DMXL1: variants seen among roughly 807,000 people sequenced by gnomAD.
DMXL1 encodes the protein dmX-like protein 1.
In DMXL1, 99 loss-of-function variants were observed where a neutral mutation model predicts 319.2. That is an observed-to-expected ratio of 0.31 (90% CI 0.26 to 0.37). DMXL1 has a LOEUF of 0.37. Ranked by LOEUF, DMXL1 falls within the 10% of genes least tolerant of loss-of-function variation. The pLI, the probability that DMXL1 is intolerant of heterozygous loss-of-function variation, is 1.00. For synonymous variants in DMXL1, 1,385 were observed against 1,235.2 expected (o/e 1.12, Z -2.54); for missense variants, 3,745 against 3,595.6 (o/e 1.04, Z -1.06).
chr5:119,082,809 T>C (rs1368483544), intron 1 of DMXL1, among the ~76,000 whole-genome samples: 2 of 152,228 alleles, frequency 1.3e-5, no homozygotes, highest in Non-Finnish European at 2.9e-5. Context: ...ACACTAGGTC[T>C]TATGACTTCC....
At chr5:119,141,022 G>A (rs1175162165) in intron 13 of DMXL1, among the ~76,000 whole-genome samples, 1 of 152,142 alleles carries the variant, frequency 6.6e-6, no homozygotes, top group East Asian at 1.9e-4. Context: ...TTTTTTGATA[G>A]ATGCAGAAAA....
intron 4 of DMXL1, among the ~76,000 whole-genome samples, chr5:119,108,102 C>G (rs553140482): frequency 2.2e-4 from 34 of 152,270 alleles, no homozygotes; most frequent in African/African-American, 7.9e-4. Flanking sequence ...CTGGCCCATA[C>G]CTGTAATCCC....
intron 34 of DMXL1, among the ~76,000 whole-genome samples, chr5:119,212,493 G>C (rs1035910484): frequency 1.3e-5 from 2 of 152,118 alleles, no homozygotes; most frequent in African/African-American, 4.8e-5. Context: ...TGGTTATTGT[G>C]AATAATGGTG....
At chr5:119,156,887 A>G (rs1771205273) in intron 19 of DMXL1, among the ~76,000 whole-genome samples, 1 of 152,010 alleles carries the variant, frequency 6.6e-6, no homozygotes, top group Non-Finnish European at 1.5e-5. Context: ...GTGAGTTGTT[A>G]TCTCATTATG....
chr5:119,197,729 A>C, intron 31 of DMXL1, 26 bp from the exon 32 acceptor site: 1 of 1,606,660 alleles, frequency 6.2e-7, no homozygotes, highest in Middle Eastern at 1.7e-4. Flanking sequence ...GCATAAGATT[A>C]ATATGAGTCA....
Position 119,118,943 on chromosome 5 carries a change from A to G in DMXL1, c.872A>G (p.Asn291Ser), listed in dbSNP as rs1465372609. 1.9e-6 allele frequency: 3 copies of G among 1,613,682 alleles called. No homozygotes were observed. Among genetic ancestry groups the G allele is most frequent in the Non-Finnish European group, 2.5e-6 (3 of 1,179,888 alleles). Residue 291 changes from asparagine (N) to serine (S), a missense_variant, in exon 8 of 44, where the codon AAT (asparagine) becomes AGT (serine). Transcript: ENST00000539542. ...TGCAGCCATTGGACTGAATCAATTA[A>G]TTTAACAAATAACTTCAAGAGAAAT... ...GDCSHWTESI[N>S]LTNNFKRNAS...
chr5:119,196,516 T>TG, intron 31 of DMXL1, 60 bp downstream of exon 31: 16 of 266,188 alleles, frequency 6.0e-5, no homozygotes, highest in Middle Eastern at 7.3e-4. Context: ...TACTCTGTTG[T>TG]TTTTTTTTTT....
chr5:119,173,797 T>TATAA (rs1305561997), intron 25 of DMXL1, among the ~76,000 whole-genome samples: 1 of 130,758 alleles, frequency 7.6e-6, no homozygotes, highest in Admixed American at 8.0e-5. Flanking sequence ...TATATATATA[T>TATAA]AATGAGAGAG....
intron 38 of DMXL1, among the ~76,000 whole-genome samples, chr5:119,232,141 C>T (rs1786863577): frequency 6.6e-6 from 1 of 152,032 alleles, no homozygotes. Flanking sequence ...CCACCAAACC[C>T]AGCTCTTAAT....
At chr5:119,116,101 G>C in intron 6 of DMXL1, 57 bp from the exon 7 acceptor site, 12 of 1,491,992 alleles carry the variant, frequency 8.0e-6, no homozygotes, top group Non-Finnish European at 1.1e-5. Context: ...TTTGCTATTT[G>C]ATTTAATCTT....
chr5:119,081,730 T>C, intron 1 of DMXL1: 2 of 985,298 alleles, frequency 2.0e-6, no homozygotes, highest in South Asian at 9.4e-5. Context: ...TTTTAACTAA[T>C]GGGGACAAAT....
chr5:119,114,555 A>T lies in DMXL1; in HGVS notation c.564+14A>T. 1 of 1,578,744 alleles carries T rather than the reference A, an allele frequency of 6.3e-7. No individual in the cohort carries two copies. The highest frequency in any genetic ancestry group is 8.7e-7 in the Non-Finnish European group (1 of 1,155,984). On this transcript the variant is annotated intron_variant, in intron 6 of 43. Transcript: ENST00000539542. Reference sequence around the variant, plus strand: ...ACTGCTGGGAAGGTAAATTGTGAAAATGCTATTGCCAAATTATGTGTTTAT... The same window carrying T: ...ACTGCTGGGAAGGTAAATTGTGAAATTGCTATTGCCAAATTATGTGTTTAT...
At chr5:119,153,669 A>G (rs1770341257) in intron 19 of DMXL1, among the ~76,000 whole-genome samples, 1 of 152,292 alleles carries the variant, frequency 6.6e-6, no homozygotes, top group East Asian at 1.9e-4. Flanking sequence ...AGATCATGCA[A>G]TATTTGTCTA....
intron 35 of DMXL1, among the ~76,000 whole-genome samples, chr5:119,219,031 T>C (rs1469300892): frequency 6.6e-6 from 1 of 152,180 alleles, no homozygotes; most frequent in African/African-American, 2.4e-5. Flanking sequence ...AACATTTTAG[T>C]GGATGCTGTT....
At chr5:119,164,952 C>G (rs1314707972) in intron 20 of DMXL1, among the ~76,000 whole-genome samples, 1 of 148,788 alleles carries the variant, frequency 6.7e-6, no homozygotes, top group Non-Finnish European at 1.5e-5. Context: ...AAAAATAGTA[C>G]AGAAGAACTT....
chr5:119,247,327 TTTATA>T lies in DMXL1; in HGVS notation c.*111_*115del. Reference sequence around the variant, plus strand: ...ACAAATTAGCTAATGCTTTCTTGTTTTTATATTTATTTTATGGAGCTTTGCCCTTG... The same window carrying T: ...ACAAATTAGCTAATGCTTTCTTGTTTTTTATTTTATGGAGCTTTGCCCTTG... On this transcript the variant is annotated 3_prime_UTR_variant, in exon 44 of 44. Coordinates refer to ENST00000539542, the MANE Select transcript of DMXL1 (RefSeq NM_001290321.3). 2 of 782,562 alleles carry T rather than the reference TTTATA, an allele frequency of 2.6e-6. No homozygotes were observed. The highest frequency in any genetic ancestry group is 4.1e-5 in the South Asian group (2 of 48,906). The allele number at this position is 782,562 out of a possible 1,614,324, so 48.5% of individuals were successfully genotyped here. A position where few individuals can be genotyped will look rare whatever the true frequency, so the allele number is the denominator to read the frequency against.
At position 119,149,669 on chromosome 5, in the gene DMXL1, C is replaced by G; in HGVS notation, c.3842C>G (p.Thr1281Ser). 6.2e-7 allele frequency: 1 copy of G among 1,613,966 alleles called. No homozygotes were observed. ...TCTGGGTTACATCCTCCAAAGAAAA[C>G]TCTGACTCGATCCATGACCAGTCTT... ...SSSGLHPPKK[T>S]LTRSMTSLAQ... is the part of the protein sequence containing the mutation. The change falls in exon 18 of 44, where the codon ACT becomes AGT. Residue 1281 changes from threonine to serine, a missense_variant. By Grantham distance (58) the Thr-to-Ser change is moderately conservative. Transcript: ENST00000539542.
intron 24 of DMXL1, 104 bp downstream of exon 24, chr5:119,171,384 T>C: frequency 8.3e-7 from 1 of 1,199,142 alleles, no homozygotes; most frequent in East Asian, 2.4e-5. Context: ...TTATTACGGT[T>C]GCTTTAGGGA....
chr5:119,195,618 C>G (rs531369027), intron 30 of DMXL1, among the ~76,000 whole-genome samples: 5 of 152,138 alleles, frequency 3.3e-5, no homozygotes, highest in African/African-American at 1.2e-4. Context: ...TTCAGCTTTG[C>G]AAGATGAAAG....
Sources: gnomAD v4.1 joint callset for allele counts (sites outside exome capture counted in the v4.1 genomes callset) on GRCh38, gnomAD v4.1.1 for gene constraint, MANE v1.5 for transcripts, NCBI Gene and HGNC (gene_info 2026-07-23, HGNC 2026-07-21) for gene names.